The following DIO2 variants were observed in gnomAD, a reference collection of about 807,000 sequenced individuals.
DIO2 encodes iodothyronine deiodinase 2.
A neutral mutation model predicts 21.4 loss-of-function variants in DIO2; 19 were observed. The observed-to-expected ratio is 0.89, with a 90% CI of 0.62 to 1.30. DIO2 has a LOEUF of 1.30. Ranked by LOEUF, DIO2 falls within the 50% of genes most tolerant of loss-of-function variation. DIO2 has a pLI of 0.00. For synonymous variants in DIO2, 122 were observed against 132.9 expected (o/e 0.92, Z 0.57); for missense variants, 302 against 338.1 (o/e 0.89, Z 0.84).
chr14:80,218,577 C>T (rs894525813), intron 2 of DIO2, among the ~76,000 whole-genome samples: 4 of 152,188 alleles, frequency 2.6e-5, no homozygotes, highest in Non-Finnish European at 5.9e-5. Flanking sequence ...CAAATGCTCT[C>T]TAAGTTTCCT....
Position 80,198,155 on chromosome 14 carries a change from G to A in DIO2, c.*4534C>T, listed in dbSNP as rs958830099. On this transcript the variant is annotated 3_prime_UTR_variant, in exon 2 of 2. Transcript: ENST00000438257. ...TGTTGGCTTTTTGAGGGGAGGGGGA[G>A]AAGTGGAGGGTTTGAGCCAAAATAG... is the stretch of plus-strand genomic sequence containing the variant. 1 of 152,620 alleles carries A rather than the reference G, an allele frequency of 6.6e-6. No homozygotes were observed. Among genetic ancestry groups the A allele is most frequent in the African/African-American group, 2.4e-5 (1 of 41,434 alleles). 9.5% of individuals were successfully genotyped at this position (152,620 alleles called of 1,614,324 possible).
intron 2 of DIO2, among the ~76,000 whole-genome samples, chr14:80,217,821 A>G (rs1888387986): frequency 6.6e-6 from 1 of 152,214 alleles, no homozygotes; most frequent in Non-Finnish European, 1.5e-5. Flanking sequence ...AAACTCCTCA[A>G]AGCAAAAATC....
chr14:80,205,625 T>TTAAG (rs745385180), intron 1 of DIO2: 1 of 1,331,900 alleles, frequency 7.5e-7, no homozygotes, highest in Non-Finnish European at 9.8e-7. Flanking sequence ...TCTTGGAAAG[T>TTAAG]TAAGGCACCT....
At chr14:80,221,445 T>C (rs1476411670) in intron 2 of DIO2, among the ~76,000 whole-genome samples, 2 of 152,194 alleles carry the variant, frequency 1.3e-5, no homozygotes, top group Non-Finnish European at 2.9e-5. Context: ...CACCATAACA[T>C]TTTCATAAAT....
At chr14:80,230,626 G>T (rs1363698708) in intron 2 of DIO2, among the ~76,000 whole-genome samples, 1 of 152,158 alleles carries the variant, frequency 6.6e-6, no homozygotes, top group African/African-American at 2.4e-5. Context: ...CTGTGAATCA[G>T]GAGTGGCAAA....
At position 80,203,293 on chromosome 14, in the gene DIO2, C is replaced by G; in HGVS notation, c.223-5G>C. 5 of 1,377,542 alleles carry G rather than the reference C, an allele frequency of 3.6e-6. No homozygotes were observed. The highest frequency in any genetic ancestry group is 1.6e-5 in the South Asian group (1 of 62,154). 85.3% of individuals were successfully genotyped at this position (1,377,542 alleles called of 1,614,324 possible). The stretch of plus-strand genomic sequence containing the variant: ...GGCATCCTCACCCAATTTCACCTGA[C>G]GGTAAAAAAAAAAAAAAAGAAGAAG... On this transcript the variant is annotated splice_region_variant and splice_polypyrimidine_tract_variant and intron_variant, in intron 1 of 1. Coordinates refer to ENST00000438257, the MANE Select transcript of DIO2 (RefSeq NM_013989.5).
chr14:80,217,947 T>C (rs1888390160), intron 2 of DIO2, among the ~76,000 whole-genome samples: 1 of 152,242 alleles, frequency 6.6e-6, no homozygotes, highest in South Asian at 2.1e-4. Flanking sequence ...ACAGAATCTA[T>C]TTCTGGGGCC....
At position 80,219,907 on chromosome 14, in the gene DIO2, A is replaced by G. The variant is rs150500443; in HGVS notation, c.-277-3170T>C. On this transcript the variant is annotated intron_variant, in intron 2 of 4. Coordinates refer to the DIO2 transcript ENST00000553594. The stretch of plus-strand genomic sequence containing the variant: ...TACATCGTGTTTGTAACATTTTATT[A>G]TAAATCACTATGAGAGGAACTTACG... Among the ~76,000 whole-genome samples the G allele has an allele frequency of 6.4e-4, 98 of 152,356 alleles. No individual in the cohort carries two copies. In the East Asian group the frequency reaches 0.015, roughly 24 times the overall value.
At chr14:80,219,820 C>A (rs940317205) in intron 2 of DIO2, among the ~76,000 whole-genome samples, 2 of 152,082 alleles carry the variant, frequency 1.3e-5, no homozygotes, top group African/African-American at 4.8e-5. Flanking sequence ...TACAGTATTA[C>A]AAAATGAAAT....
Position 80,203,253 on chromosome 14 carries a change from C to A in DIO2, c.258G>T (p.Val86=). 6.2e-7 allele frequency: 1 copy of A among 1,601,454 alleles called. No homozygotes were observed. Among genetic ancestry groups the A allele is most frequent in the East Asian group, 2.2e-5 (1 of 44,470 alleles). The change falls in exon 2 of 2, where the codon GTG becomes GTT. Residue 86 remains valine, a synonymous_variant. Coordinates refer to ENST00000438257, the MANE Select transcript of DIO2 (RefSeq NM_013989.5). ...CTCCTTCTGTACTGGAGACATGCAC[C>A]ACACTGGAATTGGGGGCATCCTCAC... ...KLGEDAPNSS[V]VHVSSTEGGD... is the part of the protein sequence containing the mutation.
chr14:80,229,907 C>T (rs576517577), intron 2 of DIO2, among the ~76,000 whole-genome samples: 13 of 152,182 alleles, frequency 8.5e-5, no homozygotes, highest in East Asian at 3.9e-4. Context: ...TTGAATGTAG[C>T]GCACCTCCTC....
At chr14:80,226,777 G>T (rs955634984) in intron 2 of DIO2, among the ~76,000 whole-genome samples, 3 of 152,208 alleles carry the variant, frequency 2.0e-5, no homozygotes, top group Admixed American at 6.5e-5. Context: ...AGGCTGTGTG[G>T]TGTCCACAGA....
At chr14:80,215,669 T>C (rs1888333993), upstream of DIO2, among the ~76,000 whole-genome samples, 1 of 152,200 alleles carries the variant, frequency 6.6e-6, no homozygotes, top group African/African-American at 2.4e-5. Context: ...ACATTATAAA[T>C]CCAAAAATGT....
intron 1 of DIO2, among the ~76,000 whole-genome samples, chr14:80,208,372 GTTTA>G (rs1888033211): frequency 6.6e-6 from 1 of 151,752 alleles, no homozygotes; most frequent in African/African-American, 2.4e-5. Context: ...TTAAGAAAGG[GTTTA>G]TTTAAAAAAA....
chr14:80,197,985 T>C lies in DIO2; in HGVS notation c.*4704A>G, dbSNP rs1274287527. ...TCATTTAATTGCTTTGGTTATAAAG[T>C]ACTGGATACTTATTTCTTCACATCC... On this transcript the variant is annotated 3_prime_UTR_variant, in exon 2 of 2. Coordinates refer to ENST00000438257, the MANE Select transcript of DIO2 (RefSeq NM_013989.5). 6.5e-6 allele frequency: 1 copy of C among 152,672 alleles called. No homozygotes were observed. Among genetic ancestry groups the C allele is most frequent in the Non-Finnish European group, 1.5e-5 (1 of 68,046 alleles). The allele number at this position is 152,672 out of a possible 1,614,324, so 9.5% of individuals were successfully genotyped here.
intron 1 of DIO2, among the ~76,000 whole-genome samples, chr14:80,209,529 C>G (rs1228185961): frequency 6.6e-6 from 1 of 152,110 alleles, no homozygotes; most frequent in Non-Finnish European, 1.5e-5. Context: ...ACTCCTCCAC[C>G]TGCCTCCAAA....
At chr14:80,210,602 G>A (rs1233698914) in intron 1 of DIO2, among the ~76,000 whole-genome samples, 1 of 152,186 alleles carries the variant, frequency 6.6e-6, no homozygotes, top group Non-Finnish European at 1.5e-5. Context: ...TCTTTCGCAA[G>A]TTGATATCTA....
In DIO2 at chr14:80,202,802, T is replaced by G. The variant is rs754283070; in HGVS notation, c.709A>C (p.Lys237Gln). 3.7e-6 allele frequency: 6 copies of G among 1,613,866 alleles called. No homozygotes were observed. The highest frequency in any genetic ancestry group is 1.7e-5 in the Admixed American group (1 of 60,002). The change falls in exon 2 of 2, where the codon AAA (lysine) becomes CAA (glutamine). Residue 237 changes from lysine to glutamine, a missense_variant. By Grantham distance (53) the Lys-to-Gln change is moderately conservative. Transcript: ENST00000438257. ...FERVCIVQRQ[K>Q]IAYLGGKGPF... ...CCCTTTCCTCCCAGATAAGCAATTTTCTGTCTCTGCACAATGCACACACGT... is the reference window on the plus strand; with the variant it reads ...CCCTTTCCTCCCAGATAAGCAATTTGCTGTCTCTGCACAATGCACACACGT...
At chr14:80,223,962 G>A (rs1164629378) in intron 2 of DIO2, among the ~76,000 whole-genome samples, 4 of 152,120 alleles carry the variant, frequency 2.6e-5, no homozygotes, top group Admixed American at 2.6e-4. Flanking sequence ...AGGCCACCAA[G>A]CAAGTACCCA....
Sources: gnomAD v4.1 joint callset for allele counts (sites outside exome capture counted in the v4.1 genomes callset) on GRCh38, gnomAD v4.1.1 for gene constraint, MANE v1.5 for transcripts, NCBI Gene and HGNC (gene_info 2026-07-23, HGNC 2026-07-21) for gene names.